Variants in RHCG observed in about 807,000 individuals in gnomAD.
RHCG encodes Rh family C glycoprotein.
RHCG carries 39 observed loss-of-function variants against 55.3 expected under a neutral mutation model. That is an observed-to-expected ratio of 0.70 (90% CI 0.55 to 0.92). The LOEUF (loss-of-function observed/expected upper bound fraction) is 0.92, where lower values mean the gene tolerates loss of function less well. Ranked by LOEUF, RHCG falls within the 40% of genes least tolerant of loss-of-function variation. The pLI, the probability that RHCG is intolerant of heterozygous loss-of-function variation, is 0.00. For synonymous variants in RHCG, 250 were observed against 246.8 expected (o/e 1.01, Z -0.12); for missense variants, 635 against 627.9 (o/e 1.01, Z -0.12).
Position 89,474,977 on chromosome 15 carries a change from CA to C in RHCG, c.1311+1777del, listed in dbSNP as rs1300605872. 5.6e-4 allele frequency among the ~76,000 whole-genome samples: 75 copies of C among 134,086 alleles called. 11 individuals carry two copies. The highest frequency in any genetic ancestry group is 3.7e-3 in the Middle Eastern group (1 of 272). 88.0% of individuals were successfully genotyped at this position (134,086 alleles called of 152,430 possible). A position where few individuals can be genotyped will look rare whatever the true frequency, so the allele number is the denominator to read the frequency against. On this transcript the variant is annotated intron_variant, in intron 9 of 10. Transcript: ENST00000268122. ...TCATTCCTGCCTGCCTGCCTTCATT[CA>C]TTCCTGCCTGCCTGCCTTCCTTCCT... is the stretch of plus-strand genomic sequence containing the variant.
At chr15:89,480,605 C>G (rs1464928693) in intron 3 of RHCG, among the ~76,000 whole-genome samples, 197 bp from the exon 4 acceptor site, 1 of 152,188 alleles carries the variant, frequency 6.6e-6, no homozygotes, top group East Asian at 1.9e-4. Context: ...CAGCAAAATG[C>G]CAGGGTGTCC....
intron 2 of RHCG, among the ~76,000 whole-genome samples, chr15:89,484,648 C>T (rs1961326047): frequency 6.6e-6 from 1 of 152,018 alleles, no homozygotes; most frequent in Admixed American, 6.6e-5. Context: ...GGCTTGGTGG[C>T]AGACACCTGT....
chr15:89,480,213 C>A, intron 4 of RHCG, 48 bp downstream of exon 4: 1 of 1,611,138 alleles, frequency 6.2e-7, no homozygotes, highest in Middle Eastern at 1.7e-4. Flanking sequence ...CCCATCATGG[C>A]CACCTTCACC....
chr15:89,472,833 G>T lies in RHCG; in HGVS notation c.1342C>A (p.Pro448Thr). Reference sequence around the variant, plus strand: ...GAGGGCTTGAAGGTGGGGTCCTCAGGGATGTAGACAGTGCTGTTCCCTTCA... The same window carrying T: ...GAGGGCTTGAAGGTGGGGTCCTCAGTGATGTAGACAGTGCTGTTCCCTTCA... ...MPEGNSTVYI[P>T]EDPTFKPSGP... is the part of the protein sequence containing the mutation. The change falls in exon 10 of 11, where the codon CCT becomes ACT. Residue 448 changes from proline to threonine, a missense_variant. Physicochemically the swap from Pro to Thr is conservative, Grantham distance 38 (BLOSUM62 -1). Coordinates refer to ENST00000268122, the MANE Select transcript of RHCG (RefSeq NM_016321.3). 6.5e-7 allele frequency: 1 copy of T among 1,540,924 alleles called. No individual in the cohort carries two copies. Among genetic ancestry groups the T allele is most frequent in the South Asian group, 1.2e-5 (1 of 82,922 alleles).
At chr15:89,472,609 G>T in intron 10 of RHCG, 102 bp downstream of exon 10, 1 of 1,198,802 alleles carries the variant, frequency 8.3e-7, no homozygotes, top group Non-Finnish European at 1.2e-6. Flanking sequence ...CTCATTTCTT[G>T]ATGTTTGCTT....
chr15:89,490,730 C>T (rs934183495), intron 1 of RHCG, among the ~76,000 whole-genome samples: 2 of 142,410 alleles, frequency 1.4e-5, no homozygotes, highest in Non-Finnish European at 3.0e-5. Context: ...GAGGTTGCTG[C>T]GTGGGAGGGA....
At chr15:89,479,623 T>TCATGCAGGGGCTCTTCCTGGAAGGC in intron 4 of RHCG, 135 bp from the exon 5 acceptor site, 3 of 782,610 alleles carry the variant, frequency 3.8e-6, no homozygotes, top group Non-Finnish European at 6.0e-6. Context: ...GCAGCTTTAG[T>TCATGCAGGGGCTCTTCCTGGAAGGC]CATGCAGGGG....
In RHCG at chr15:89,480,336, G is replaced by A. The variant is rs140495230; in HGVS notation, c.595C>T (p.Leu199Phe). The change falls in exon 4 of 11, where the codon CTC becomes TTC. Residue 199 changes from leucine (L) to phenylalanine (F), a missense_variant. By Grantham distance (22) the Leu-to-Phe change is conservative (BLOSUM62 0). Transcript: ENST00000268122. ...AYFGLTVTRI[L>F]YRRNLEQSKE... ...CTCTGCTCTAGGTTGCGTCGGTAGA[G>A]GATCCGGGTCACTGTGAGCCCAAAG... 6.2e-7 allele frequency: 1 copy of A among 1,614,100 alleles called. No individual in the cohort carries two copies. The highest frequency in any genetic ancestry group is 1.3e-5 in the African/African-American group (1 of 74,930).
intron 3 of RHCG, among the ~76,000 whole-genome samples, chr15:89,482,106 T>C (rs1961278732): frequency 6.6e-6 from 1 of 151,782 alleles, no homozygotes; most frequent in Non-Finnish European, 1.5e-5. Context: ...TTGGCCTAAG[T>C]TTGTATTTTT....
At chr15:89,483,460 G>A (rs1961305267) in intron 2 of RHCG, among the ~76,000 whole-genome samples, 1 of 152,010 alleles carries the variant, frequency 6.6e-6, no homozygotes, top group South Asian at 2.1e-4. Flanking sequence ...CCCATCTCAG[G>A]CCCCCGCTGC....
chr15:89,489,061 G>A lies in RHCG; in HGVS notation c.185-2076C>T, dbSNP rs143255456. Among the ~76,000 whole-genome samples, 1,379 of 152,248 alleles carry A rather than the reference G, an allele frequency of 9.1e-3. 22 individuals carry two copies. Among genetic ancestry groups the A allele is most frequent in the African/African-American group, 0.031 (1,303 of 41,530 alleles). On this transcript the variant is annotated intron_variant, in intron 1 of 10. Coordinates refer to ENST00000268122, the MANE Select transcript of RHCG (RefSeq NM_016321.3). Reference sequence around the variant, plus strand: ...CATGTGTGTATGTGCGTGTGCATCCGTGTAGAGAAAGAGTGAGCAAATAGC... The same window carrying A: ...CATGTGTGTATGTGCGTGTGCATCCATGTAGAGAAAGAGTGAGCAAATAGC...
rs1312444224 is a variant in RHCG, at chr15:89,494,915, C to CGGGG, written c.184+1445_184+1446insCCCC. ...TCTGGGGTCAAGTGGGAAGCAAGTG[C>CGGGG]GGGAGGGAGGGAGAAGAACAGGTAA... On this transcript the variant is annotated intron_variant, in intron 1 of 10. Transcript: ENST00000268122. Among the ~76,000 whole-genome samples, 5 of 152,046 alleles carry CGGGG rather than the reference C, an allele frequency of 3.3e-5. No homozygotes were observed. The Middle Eastern group carries it at 0.01, about 310-fold the overall frequency.
At position 89,477,373 on chromosome 15, in the gene RHCG, G is replaced by A. The variant is rs1210687965; in HGVS notation, c.1112+144C>T. On this transcript the variant is annotated intron_variant, in intron 7 of 10. Transcript: ENST00000268122. This position sits in a 1 kb window ranked among gnomAD's most constrained non-coding sequence, Gnocchi z 4.5. Reference sequence around the variant, plus strand: ...TCTAAAACTCTAAGGGACAGAGTTTGGGGAGAGAGACCCATGAAACAATTG... The same window carrying A: ...TCTAAAACTCTAAGGGACAGAGTTTAGGGAGAGAGACCCATGAAACAATTG... 7.2e-7 allele frequency: 1 copy of A among 1,389,008 alleles called. No individual in the cohort carries two copies. The allele number at this position is 1,389,008 out of a possible 1,614,324, so 86.0% of individuals were successfully genotyped here.
chr15:89,481,352 A>C (rs1449488986), intron 3 of RHCG, among the ~76,000 whole-genome samples: 1 of 151,938 alleles, frequency 6.6e-6, no homozygotes, highest in South Asian at 2.1e-4. Flanking sequence ...TGGGAGGCCG[A>C]GGCATGAGAA....
rs904356968 is a variant in RHCG at position 89,480,133 on chromosome 15, G to C, written c.670+128C>G. On this transcript the variant is annotated intron_variant, in intron 4 of 10. Coordinates refer to ENST00000268122, the MANE Select transcript of RHCG (RefSeq NM_016321.3). The stretch of plus-strand genomic sequence containing the variant: ...AACTGGCAGCCATGCACCATACCAC[G>C]TGGGGATCAGGTCTGATCATGGTGG... The C allele has an allele frequency of 1.4e-5, 18 of 1,255,206 alleles. No individual in the cohort carries two copies. The African/African-American group carries it at 2.3e-4, about 16-fold the overall frequency. The allele number at this position is 1,255,206 out of a possible 1,614,324, so 77.8% of individuals were successfully genotyped here. A position where few individuals can be genotyped will look rare whatever the true frequency, so the allele number is the denominator to read the frequency against.
chr15:89,477,936 G>A lies in RHCG; in HGVS notation c.876C>T (p.Ala292=), dbSNP rs777775628. The A allele has an allele frequency of 4.8e-5, 78 of 1,612,420 alleles. No homozygotes were observed. The highest frequency in any genetic ancestry group is 5.9e-5 in the Non-Finnish European group (69 of 1,178,942). Residue 292 remains alanine (A), a synonymous_variant, in exon 6 of 11, where the codon GCC becomes GCT. Coordinates refer to ENST00000268122, the MANE Select transcript of RHCG (RefSeq NM_016321.3). The surrounding 1 kb of genome is among the most constrained non-coding windows in gnomAD (Gnocchi z 4.5). ...GCATCATCTCAGCAGCGGTACCCAC[G>A]GCCACCCCTCCTGCGAGCGTGGCAT... The part of the protein sequence containing the change: ...IQNATLAGGV[A]VGTAAEMMLM...
chr15:89,491,095 G>A (rs1442968685), intron 1 of RHCG, among the ~76,000 whole-genome samples: 3 of 152,280 alleles, frequency 2.0e-5, no homozygotes, highest in East Asian at 1.9e-4. Context: ...TGGCAGGGGC[G>A]AAGCTGAAGA....
Position 89,477,271 on chromosome 15 carries a change from C to A in RHCG, c.1113-65G>T, listed in dbSNP as rs148042791. ...AGGCCAAGTAACAGCTTGCTGCCAC[C>A]CCAAAAATGTGACCGGGTACCACGG... is the stretch of plus-strand genomic sequence containing the variant. On this transcript the variant is annotated intron_variant, in intron 7 of 10. Coordinates refer to ENST00000268122, the MANE Select transcript of RHCG (RefSeq NM_016321.3). The surrounding 1 kb of genome is among the most constrained non-coding windows in gnomAD (Gnocchi z 4.5). 6.3e-7 allele frequency: 1 copy of A among 1,597,004 alleles called. No individual in the cohort carries two copies. The highest frequency in any genetic ancestry group is 8.6e-7 in the Non-Finnish European group (1 of 1,168,580).
chr15:89,472,262 T>G (rs983207681), intron 10 of RHCG, among the ~76,000 whole-genome samples: 1 of 152,132 alleles, frequency 6.6e-6, no homozygotes, highest in African/African-American at 2.4e-5. Context: ...CTTGGTGCAT[T>G]CCACAGAGGA....
Sources: gnomAD v4.1 joint callset for allele counts (sites outside exome capture counted in the v4.1 genomes callset) on GRCh38, gnomAD v4.1.1 for gene constraint, Gnocchi (gnomAD v3.1) non-coding constraint, MANE v1.5 for transcripts, NCBI Gene and HGNC (gene_info 2026-07-23, HGNC 2026-07-21) for gene names.